Variants in SLC9A9 observed in about 807,000 individuals in gnomAD.
The protein encoded by SLC9A9 is sodium/hydrogen exchanger 9.
SLC9A9 carries 62 observed loss-of-function variants against 77.8 expected under a neutral mutation model. The observed-to-expected ratio is 0.80, with a 90% CI of 0.65 to 0.98. SLC9A9 has a LOEUF of 0.98. Among genes scored for constraint, SLC9A9 ranks in the 50% least tolerant of loss-of-function variants. The pLI, the probability that SLC9A9 is intolerant of heterozygous loss-of-function variation, is 0.00. For synonymous variants in SLC9A9, 320 were observed against 283.5 expected, an observed-to-expected ratio of 1.13 and a Z score of -1.29; for missense variants, 775 against 774.9, an observed-to-expected ratio of 1.00 and a Z score of 0.00.
At chr3:143,609,860 G>A (rs918377327) in intron 6 of SLC9A9, among the ~76,000 whole-genome samples, 9 of 152,108 alleles carry the variant, frequency 5.9e-5, no homozygotes, top group Admixed American at 2.0e-4. Flanking sequence ...GTTCTGTACT[G>A]ATGGACATTT....
At chr3:143,472,453 AT>A (rs1425712098) in intron 11 of SLC9A9, among the ~76,000 whole-genome samples, 9 of 152,082 alleles carry the variant, frequency 5.9e-5, no homozygotes, top group Non-Finnish European at 1.3e-4. Flanking sequence ...TCTCATCTAA[AT>A]TTTCTCAGTT....
intron 9 of SLC9A9, among the ~76,000 whole-genome samples, chr3:143,519,967 T>A (rs1312769497): frequency 1.3e-5 from 2 of 152,134 alleles, no homozygotes; most frequent in Non-Finnish European, 2.9e-5. Flanking sequence ...AAGTTTAAGA[T>A]GCATAATAGA....
At chr3:143,479,875 G>A (rs1391163617) in intron 11 of SLC9A9, among the ~76,000 whole-genome samples, 1 of 152,206 alleles carries the variant, frequency 6.6e-6, no homozygotes, top group Non-Finnish European at 1.5e-5. Context: ...GTGTGAGATT[G>A]AGTCCTATCT....
At chr3:143,277,884 G>A (rs1938100563) in intron 14 of SLC9A9, among the ~76,000 whole-genome samples, 1 of 152,128 alleles carries the variant, frequency 6.6e-6, no homozygotes, top group African/African-American at 2.4e-5. Flanking sequence ...CTGGTTTGGG[G>A]AAAAATTTCC....
chr3:143,520,178 C>A (rs2036271733), intron 9 of SLC9A9, among the ~76,000 whole-genome samples: 1 of 152,194 alleles, frequency 6.6e-6, no homozygotes, highest in African/African-American at 2.4e-5. Context: ...GTGCTATGGA[C>A]TGATGTTTGT....
chr3:143,686,416 G>T (rs946853883), intron 5 of SLC9A9, among the ~76,000 whole-genome samples: 1 of 152,076 alleles, frequency 6.6e-6, no homozygotes, highest in African/African-American at 2.4e-5. Context: ...CACGGACAGG[G>T]GATAGAAAGC....
At chr3:143,456,780 G>T (rs1343231855) in intron 12 of SLC9A9, among the ~76,000 whole-genome samples, 1 of 151,970 alleles carries the variant, frequency 6.6e-6, no homozygotes, top group East Asian at 1.9e-4. Flanking sequence ...GGCCAGGCTG[G>T]TCTCGAACTC....
intron 4 of SLC9A9, among the ~76,000 whole-genome samples, chr3:143,782,388 C>T (rs867414726): frequency 2.6e-5 from 4 of 152,160 alleles, no homozygotes; most frequent in African/African-American, 9.7e-5. Context: ...AGGCTTGAAA[C>T]TCTGCATTTC....
intron 5 of SLC9A9, among the ~76,000 whole-genome samples, chr3:143,665,442 A>T (rs1419456557): frequency 6.6e-6 from 1 of 152,230 alleles, no homozygotes; most frequent in Non-Finnish European, 1.5e-5. Flanking sequence ...AAGCAAGAGC[A>T]AGCATACTCA....
chr3:143,518,179 C>G (rs906614079), intron 9 of SLC9A9: 1 of 1,599,418 alleles, frequency 6.3e-7, no homozygotes, highest in Admixed American at 1.7e-5. Context: ...TCGGATCCTC[C>G]TTACACATTT....
chr3:143,353,283 C>T (rs1328825403), intron 14 of SLC9A9, among the ~76,000 whole-genome samples: 1 of 152,224 alleles, frequency 6.6e-6, no homozygotes, highest in Non-Finnish European at 1.5e-5. Context: ...GTTTGTGTCT[C>T]TCCAAATTCA....
intron 7 of SLC9A9, among the ~76,000 whole-genome samples, chr3:143,576,755 A>C (rs1559975922): frequency 6.6e-6 from 1 of 152,188 alleles, no homozygotes; most frequent in Non-Finnish European, 1.5e-5. Context: ...TGATAGGATC[A>C]TTGTGAAGGT....
chr3:143,446,647 T>C (rs965990889), intron 12 of SLC9A9, among the ~76,000 whole-genome samples: 2 of 152,134 alleles, frequency 1.3e-5, no homozygotes, highest in African/African-American at 4.8e-5. Context: ...TAGTGAACCA[T>C]GAGTTACTTC....
chr3:143,555,266 G>A (rs946864467), intron 8 of SLC9A9, among the ~76,000 whole-genome samples: 39 of 152,156 alleles, frequency 2.6e-4, no homozygotes, highest in Non-Finnish European at 4.4e-4. Flanking sequence ...CTTCCACCAT[G>A]ATTGTGAGGC....
At chr3:143,333,288 A>G (rs1403336045) in intron 14 of SLC9A9, among the ~76,000 whole-genome samples, 2 of 137,374 alleles carry the variant, frequency 1.5e-5, no homozygotes, top group Non-Finnish European at 3.1e-5. Flanking sequence ...ATATCCTTTT[A>G]AAAACATCCA....
chr3:143,388,607 G>A (rs1028282117), intron 12 of SLC9A9, among the ~76,000 whole-genome samples: 2 of 152,166 alleles, frequency 1.3e-5, no homozygotes, highest in Admixed American at 6.5e-5. Context: ...TGAAATATTA[G>A]TTGATGCTCT....
chr3:143,435,049 A>G (rs193084084), intron 12 of SLC9A9, among the ~76,000 whole-genome samples: 1 of 151,978 alleles, frequency 6.6e-6, no homozygotes, highest in Non-Finnish European at 1.5e-5. Flanking sequence ...TTTTCCATCC[A>G]TCAGCTGGGG....
chr3:143,425,159 G>GTT (rs1050725291), intron 12 of SLC9A9, among the ~76,000 whole-genome samples: 3 of 151,766 alleles, frequency 2.0e-5, no homozygotes, highest in African/African-American at 7.3e-5. Flanking sequence ...CAGGTAGAGG[G>GTT]TTATATATAT....
intron 14 of SLC9A9, among the ~76,000 whole-genome samples, chr3:143,307,983 T>A (rs2030864706): frequency 6.6e-6 from 1 of 152,180 alleles, no homozygotes; most frequent in African/African-American, 2.4e-5. Context: ...CACTCTACTT[T>A]GCCATGTGAC....
Sources: allele counts gnomAD v4.1 joint callset (sites outside exome capture counted in the v4.1 genomes callset), GRCh38; gene constraint gnomAD v4.1.1; transcripts MANE v1.5; gene names NCBI Gene and HGNC (gene_info 2026-07-23, HGNC 2026-07-21).